NOL4: variants seen among roughly 807,000 people sequenced by gnomAD.
The protein encoded by NOL4 is cancer/testis antigen 125.
In NOL4, 17 loss-of-function variants were observed where a neutral mutation model predicts 75.9. The ratio of observed to expected loss-of-function variants is 0.22; its 90% CI spans 0.15 to 0.34. The LOEUF (loss-of-function observed/expected upper bound fraction) is 0.34, where lower values mean the gene tolerates loss of function less well. NOL4 is among the 10% of genes least tolerant of loss of function. The pLI, the probability that NOL4 is intolerant of heterozygous loss-of-function variation, is 1.00. For missense variants in NOL4, 614 were observed against 793.5 expected (o/e 0.77, Z 2.72); for synonymous variants, 292 against 289.9 (o/e 1.01, Z -0.07).
intron 1 of NOL4, among the ~76,000 whole-genome samples, chr18:34,204,332 C>A (rs2035970530): frequency 6.6e-6 from 1 of 151,978 alleles, no homozygotes; most frequent in African/African-American, 2.4e-5. Context: ...TCACTAGTCC[C>A]CAAAGCAATC....
chr18:34,058,462 C>A (rs1399408444), intron 5 of NOL4, among the ~76,000 whole-genome samples: 3 of 152,032 alleles, frequency 2.0e-5, no homozygotes, highest in African/African-American at 7.2e-5. Context: ...TGTTTTTGCC[C>A]CTGCTTTGTC....
intron 6 of NOL4, among the ~76,000 whole-genome samples, chr18:33,961,972 G>A (rs762179925): frequency 8.6e-5 from 13 of 151,998 alleles, no homozygotes; most frequent in Non-Finnish European, 1.6e-4. Flanking sequence ...TTGTTTGCTG[G>A]CCCAGCACCT....
chr18:34,201,433 C>T (rs543755900), intron 1 of NOL4, among the ~76,000 whole-genome samples: 129 of 151,762 alleles, frequency 8.5e-4, no homozygotes, highest in African/African-American at 2.9e-3. Flanking sequence ...TGTTCTTAAC[C>T]GCTACTCTTA....
intron 5 of NOL4, among the ~76,000 whole-genome samples, chr18:34,037,094 G>A (rs1377947681): frequency 6.6e-6 from 1 of 151,974 alleles, no homozygotes; most frequent in African/African-American, 2.4e-5. Flanking sequence ...AATACAAAAT[G>A]AACATAGAAA....
intron 9 of NOL4, among the ~76,000 whole-genome samples, chr18:33,933,326 A>G (rs528459231): frequency 3.3e-5 from 5 of 152,270 alleles, no homozygotes; most frequent in African/African-American, 1.2e-4. Context: ...TTGACTCGAT[A>G]TTGATGGCTG....
At chr18:34,070,268 C>T (rs1474005653) in intron 5 of NOL4, among the ~76,000 whole-genome samples, 1 of 152,222 alleles carries the variant, frequency 6.6e-6, no homozygotes, top group African/African-American at 2.4e-5. Context: ...ATCCGCCCGC[C>T]TCGGCCTCCC....
chr18:34,061,761 T>C (rs931859460), intron 5 of NOL4, among the ~76,000 whole-genome samples: 2 of 152,160 alleles, frequency 1.3e-5, no homozygotes, highest in Non-Finnish European at 2.9e-5. Flanking sequence ...CTGTTTATTT[T>C]TATATTGGGC....
chr18:34,129,369 C>T (rs2080529719), intron 2 of NOL4, among the ~76,000 whole-genome samples: 1 of 151,520 alleles, frequency 6.6e-6, no homozygotes, highest in Non-Finnish European at 1.5e-5. Context: ...GAAATACATA[C>T]CCTTCAGGAT....
intron 6 of NOL4, among the ~76,000 whole-genome samples, chr18:33,961,653 C>G (rs2070136841): frequency 6.6e-6 from 1 of 152,002 alleles, no homozygotes; most frequent in African/African-American, 2.4e-5. Flanking sequence ...TTATCAATGA[C>G]TTCATTAAGG....
At chr18:34,149,195 G>A (rs567494554) in intron 1 of NOL4, among the ~76,000 whole-genome samples, 3 of 151,492 alleles carry the variant, frequency 2.0e-5, no homozygotes, top group East Asian at 1.9e-4. Context: ...ATAAAAATTA[G>A]GTTGAGACAT....
rs2070369109 is a variant in NOL4 at position 33,964,020 on chromosome 18, CAGGTGTCTATGCTTT to C, written c.1057-5617_1057-5603del. 1.3e-5 allele frequency among the ~76,000 whole-genome samples: 2 copies of C among 152,118 alleles called. 1 individual carries two copies. The highest frequency in any genetic ancestry group is 2.9e-5 in the Non-Finnish European group (2 of 68,036). On this transcript the variant is annotated intron_variant, in intron 6 of 10. Coordinates refer to ENST00000261592, the MANE Select transcript of NOL4 (RefSeq NM_003787.5). ...AGGGAAGAACACATGAATTCAGTGC[CAGGTGTCTATGCTTT>C]CACGTGCTTTGCATATCTATGTCAC...
intron 2 of NOL4, among the ~76,000 whole-genome samples, chr18:34,122,645 C>G (rs2145851014): frequency 6.6e-6 from 1 of 152,212 alleles, no homozygotes; most frequent in Non-Finnish European, 1.5e-5. Flanking sequence ...CTTACACTAT[C>G]AAGATTTAAA....
In NOL4 at chr18:34,130,016, C is replaced by A. The variant is rs1162722574; in HGVS notation, c.269G>T (p.Gly90Val). 6.4e-7 allele frequency: 1 copy of A among 1,555,454 alleles called. No homozygotes were observed. Among genetic ancestry groups the A allele is most frequent in the Admixed American group, 1.9e-5 (1 of 51,462 alleles). ...VLYVPVKTTD[G>V]VGVDEKLSLR... Reference sequence around the variant, plus strand: ...AGATAGCTTCTCATCTACCCCTACGCCATCCTGGAAACAAAACAACAACAA... The same window carrying A: ...AGATAGCTTCTCATCTACCCCTACGACATCCTGGAAACAAAACAACAACAA... Residue 90 changes from glycine to valine, a missense_variant, in exon 2 of 11, where the codon GGC becomes GTC. By Grantham distance (109) the Gly-to-Val change is moderately radical. Coordinates refer to ENST00000261592, the MANE Select transcript of NOL4 (RefSeq NM_003787.5).
At chr18:33,893,687 A>C (rs1045094464) in intron 9 of NOL4, among the ~76,000 whole-genome samples, 4 of 152,154 alleles carry the variant, frequency 2.6e-5, no homozygotes, top group Non-Finnish European at 4.4e-5. Context: ...AACTTCAATA[A>C]AATTACTGCT....
At chr18:33,952,155 G>A (rs2069276311) in intron 8 of NOL4, among the ~76,000 whole-genome samples, 1 of 152,112 alleles carries the variant, frequency 6.6e-6, no homozygotes, top group African/African-American at 2.4e-5. Context: ...GAAGCTGGGT[G>A]GGGTGTGTGA....
At chr18:34,042,265 A>C (rs1038727838) in intron 5 of NOL4, among the ~76,000 whole-genome samples, 1 of 152,036 alleles carries the variant, frequency 6.6e-6, no homozygotes, top group Non-Finnish European at 1.5e-5. Flanking sequence ...CTCCCTAGCC[A>C]GTAATGATGG....
chr18:34,126,025 G>A (rs999456826), intron 2 of NOL4, among the ~76,000 whole-genome samples: 1 of 151,926 alleles, frequency 6.6e-6, no homozygotes, highest in Admixed American at 6.6e-5. Flanking sequence ...CCAACACAGA[G>A]GCATTAGAGC....
At chr18:34,053,547 C>T (rs574507988) in intron 5 of NOL4, among the ~76,000 whole-genome samples, 51 of 152,048 alleles carry the variant, frequency 3.4e-4, no homozygotes, top group Non-Finnish European at 5.9e-4. Flanking sequence ...CCCTTATCTG[C>T]TGGAAGATGG....
In NOL4 at chr18:34,059,156, T is replaced by C. The variant is rs568972631; in HGVS notation, c.772+34309A>G. On this transcript the variant is annotated intron_variant, in intron 5 of 10. Coordinates refer to ENST00000261592, the MANE Select transcript of NOL4 (RefSeq NM_003787.5). Reference sequence around the variant, plus strand: ...ATATATATATATATATATATATATATACACATGCTTAGTTTATATGTGCCA... The same window carrying C: ...ATATATATATATATATATATATATACACACATGCTTAGTTTATATGTGCCA... 4.2e-3 allele frequency among the ~76,000 whole-genome samples: 560 copies of C among 132,842 alleles called. 5 individuals are homozygous for C. Among genetic ancestry groups the C allele is most frequent in the African/African-American group, 0.012 (457 of 37,062 alleles). 87.1% of individuals were successfully genotyped at this position (132,842 alleles called of 152,430 possible).
Sources: gnomAD v4.1 joint callset for allele counts (sites outside exome capture counted in the v4.1 genomes callset) on GRCh38, gnomAD v4.1.1 for gene constraint, MANE v1.5 for transcripts, NCBI Gene and HGNC (gene_info 2026-07-23, HGNC 2026-07-21) for gene names.